CD5: variants seen among roughly 807,000 people sequenced by gnomAD.
CD5 encodes CD5 molecule, also known as T-cell surface glycoprotein CD5.
CD5 carries 36 observed loss-of-function variants against 60.3 expected under a neutral mutation model. The observed-to-expected ratio is 0.60, with a 90% CI of 0.46 to 0.79. The LOEUF (loss-of-function observed/expected upper bound fraction) is 0.79. Among genes scored for constraint, CD5 ranks in the 30% least tolerant of loss-of-function variants. CD5 has a pLI of 0.00. For missense variants in CD5, 540 were observed against 630.6 expected, an observed-to-expected ratio of 0.86 and a Z score of 1.54; for synonymous variants, 230 against 257.6, an observed-to-expected ratio of 0.89 and a Z score of 1.03.
Position 61,118,404 on chromosome 11 carries a change from C to T in CD5, c.324C>T (p.Tyr108=), listed in dbSNP as rs758833606. The T allele has an allele frequency of 9.9e-6, 16 of 1,614,136 alleles. No individual in the cohort carries two copies. The highest frequency in any genetic ancestry group is 4.0e-5 in the African/African-American group (3 of 74,944). ...TYTPQSSIIC[Y]GQLGSFSNCS... is the part of the protein sequence containing the mutation. ...CACCTCAGAGCTCAATCATCTGCTA[C>T]GGACAACTGGGCTCCTTCTCCAACT... is the stretch of plus-strand genomic sequence containing the variant. Residue 108 remains tyrosine (Y), a synonymous_variant, in exon 3 of 11, where the codon TAC becomes TAT. Coordinates refer to ENST00000347785, the MANE Select transcript of CD5 (RefSeq NM_014207.4). The surrounding 1 kb of genome is among the most constrained non-coding windows in gnomAD (Gnocchi z 4.7).
Position 61,119,431 on chromosome 11 carries a change from G to C in CD5, c.661G>C (p.Ala221Pro). Residue 221 changes from alanine to proline, a missense_variant, in exon 5 of 11, where the codon GCC becomes CCC. Ala to Pro is a conservative substitution (Grantham distance 27, BLOSUM62 -1). Transcript: ENST00000347785. Reference protein sequence around the residue: ...KHLPETEAGRAQDPGEPREHQ... With the variant: ...KHLPETEAGRPQDPGEPREHQ... Reference sequence around the variant, plus strand: ...TCTGCCAGAGACTGAGGCAGGCAGAGCCCAAGACCCAGGGGAGCCACGGGA... The same window carrying C: ...TCTGCCAGAGACTGAGGCAGGCAGACCCCAAGACCCAGGGGAGCCACGGGA... The C allele has an allele frequency of 6.2e-7, 1 of 1,614,150 alleles. No homozygotes were observed. The highest frequency in any genetic ancestry group is 8.5e-7 in the Non-Finnish European group (1 of 1,180,022).
In CD5 at chr11:61,102,588, G is replaced by A. The variant is rs149158716; in HGVS notation, c.28G>A (p.Ala10Thr). The A allele has an allele frequency of 1.9e-6, 3 of 1,593,194 alleles. No individual in the cohort carries two copies. The African/African-American group carries it at 4.0e-5, about 21-fold the overall frequency. ...GCCCATGGGGTCTCTGCAACCGCTG[G>A]CCACCTTGTACCTGCTGGGGATGCT... MPMGSLQPLATLYLLGMLVA... is the reference protein window; with the variant it reads MPMGSLQPLTTLYLLGMLVA... The change falls in exon 1 of 11, where the codon GCC becomes ACC. Residue 10 changes from alanine to threonine, a missense_variant. Ala to Thr is a moderately conservative substitution (Grantham distance 58, BLOSUM62 0). Coordinates refer to ENST00000347785, the MANE Select transcript of CD5 (RefSeq NM_014207.4).
chr11:61,105,056 G>C (rs1338682803), intron 1 of CD5, among the ~76,000 whole-genome samples: 1 of 152,200 alleles, frequency 6.6e-6, no homozygotes, highest in African/African-American at 2.4e-5. Context: ...ATTCCAAGGA[G>C]AGAGGCAGCA....
rs1456331118 is a variant in CD5 at position 61,126,500 on chromosome 11, G to A, written c.*215G>A. ...GGCCGCCCCTCCACTTGTGGAAGCT[G>A]TGGTGGGCAGAGCCCCAAAACAAGC... On this transcript the variant is annotated 3_prime_UTR_variant, in exon 11 of 11. Transcript: ENST00000347785. The A allele has an allele frequency of 1.3e-5, 2 of 152,246 alleles. No individual in the cohort carries two copies. The highest frequency in any genetic ancestry group is 4.8e-5 in the African/African-American group (2 of 41,458). 9.4% of individuals were successfully genotyped at this position (152,246 alleles called of 1,614,324 possible).
intron 1 of CD5, among the ~76,000 whole-genome samples, chr11:61,112,422 T>A (rs1286885736): frequency 1.3e-5 from 2 of 152,094 alleles, no homozygotes; most frequent in African/African-American, 4.8e-5. Context: ...GGGGGGTGGA[T>A]CACCTGAGGT....
chr11:61,095,356 T>C, the CD5 span, among the ~76,000 whole-genome samples: 1 of 152,160 alleles, frequency 6.6e-6, no homozygotes, highest in Non-Finnish European at 1.5e-5. Context: ...GACGGACACA[T>C]GGTGGAAAGG....
At chr11:61,102,991 C>T (rs1404403900) in intron 1 of CD5, among the ~76,000 whole-genome samples, 1 of 152,238 alleles carries the variant, frequency 6.6e-6, no homozygotes, top group Non-Finnish European at 1.5e-5. Flanking sequence ...CCACTGACAG[C>T]CCAGCCTTTA....
chr11:61,114,949 T>C, intron 1 of CD5, 107 bp from the exon 2 acceptor site: 1 of 988,206 alleles, frequency 1.0e-6, no homozygotes, highest in Non-Finnish European at 1.5e-6. Context: ...TGATAGTGGA[T>C]AGGGGGAGGC....
Position 61,125,234 on chromosome 11 carries a change from CG to C in CD5, c.1399+86del, listed in dbSNP as rs992712647. 1,892 of 1,490,610 alleles carry C rather than the reference CG, an allele frequency of 1.3e-3. 4 individuals carry two copies. Among genetic ancestry groups the C allele is most frequent in the Non-Finnish European group, 1.6e-3 (1,766 of 1,080,860 alleles). 92.3% of individuals were successfully genotyped at this position (1,490,610 alleles called of 1,614,324 possible). On this transcript the variant is annotated intron_variant, in intron 9 of 10. Coordinates refer to ENST00000347785, the MANE Select transcript of CD5 (RefSeq NM_014207.4). ...CAGGTCACGTGATGCCCTTGAAGGT[CG>C]GGTGATGGCCCAAAGACAGAATGGA... is the stretch of plus-strand genomic sequence containing the variant.
chr11:61,102,927 C>T (rs1860720965), intron 1 of CD5, among the ~76,000 whole-genome samples: 1 of 152,212 alleles, frequency 6.6e-6, no homozygotes, highest in African/African-American at 2.4e-5. Flanking sequence ...CAACTTGATT[C>T]CTAGGCTGAG....
At chr11:61,120,914 A>C (rs1364459084) in intron 5 of CD5, among the ~76,000 whole-genome samples, 1 of 152,234 alleles carries the variant, frequency 6.6e-6, no homozygotes, top group Non-Finnish European at 1.5e-5. Context: ...AAATAGATTT[A>C]CTAGGGCTTT....
intron 1 of CD5, among the ~76,000 whole-genome samples, chr11:61,103,911 GT>G (rs368024608): frequency 0.039 from 2,388 of 61,630 alleles, 530 homozygotes; most frequent in African/African-American, 0.17. Flanking sequence ...AGTACTGTGT[GT>G]GGGGGGGGAA....
chr11:61,096,356 C>T, the CD5 span, among the ~76,000 whole-genome samples: 5 of 152,210 alleles, frequency 3.3e-5, no homozygotes, highest in Non-Finnish European at 7.3e-5. Context: ...GCGCAAGCAC[C>T]CCCAAGGAGC....
rs544983246 is a variant in CD5 at position 61,104,448 on chromosome 11, A to G, written c.55+1833A>G. 1.1e-3 allele frequency among the ~76,000 whole-genome samples: 160 copies of G among 152,142 alleles called. 1 individual carries two copies. The highest frequency in any genetic ancestry group is 1.7e-3 in the Non-Finnish European group (118 of 68,014). ...CTCTGGCCTCAGACTTCATTGAGAT[A>G]GGGCGGCTCCCAGCTGAGTATGGGA... On this transcript the variant is annotated intron_variant, in intron 1 of 10. Transcript: ENST00000347785.
chr11:61,097,831 T>G (rs1860604874), upstream of CD5, among the ~76,000 whole-genome samples: 1 of 152,160 alleles, frequency 6.6e-6, no homozygotes, highest in South Asian at 2.1e-4. Flanking sequence ...ATTTACGTGC[T>G]CAACCGAATC....
At chr11:61,105,582 C>A (rs944471432) in intron 1 of CD5, among the ~76,000 whole-genome samples, 1 of 152,126 alleles carries the variant, frequency 6.6e-6, no homozygotes, top group Non-Finnish European at 1.5e-5. Context: ...AGAAACAATG[C>A]GAGGTAGGAG....
At chr11:61,094,221 G>A in the CD5 span, among the ~76,000 whole-genome samples, 7 of 151,852 alleles carry the variant, frequency 4.6e-5, no homozygotes, top group Non-Finnish European at 7.4e-5. Flanking sequence ...GGAATGCCTC[G>A]TCAGAGCAGT....
At position 61,119,257 on chromosome 11, in the gene CD5, G is replaced by A; in HGVS notation, c.487G>A (p.Ala163Thr). 1 of 1,607,210 alleles carries A rather than the reference G, an allele frequency of 6.2e-7. No homozygotes were observed. Among genetic ancestry groups the A allele is most frequent in the South Asian group, 1.1e-5 (1 of 90,484 alleles). ...AGCTCCTCCCAGGCTGCAGCTGGTG[G>A]CACAGTCTGGCGGCCAGCACTGTGC... ...PTAPPRLQLVAQSGGQHCAGV... is the reference protein window; with the variant it reads ...PTAPPRLQLVTQSGGQHCAGV... The change falls in exon 5 of 11, where the codon GCA (alanine) becomes ACA (threonine). Residue 163 changes from alanine (A) to threonine (T), a missense_variant. By Grantham distance (58) the Ala-to-Thr change is moderately conservative. Coordinates refer to ENST00000347785, the MANE Select transcript of CD5 (RefSeq NM_014207.4).
At chr11:61,121,562 G>A in intron 5 of CD5, 49 bp from the exon 6 acceptor site, 1 of 1,388,902 alleles carries the variant, frequency 7.2e-7, no homozygotes, top group East Asian at 2.6e-5. Flanking sequence ...GCAGCACACA[G>A]GCTCAGGTTC....
Sources: allele counts gnomAD v4.1 joint callset (sites outside exome capture counted in the v4.1 genomes callset), GRCh38; gene constraint gnomAD v4.1.1; non-coding constraint Gnocchi (gnomAD v3.1); transcripts MANE v1.5; gene names NCBI Gene and HGNC (gene_info 2026-07-23, HGNC 2026-07-21).